The following RBFOX3 variants were observed in gnomAD, a reference collection of about 807,000 sequenced individuals.
RBFOX3 encodes the protein RNA binding fox-1 homolog 3, also known as RNA binding protein fox-1 homolog 3.
RBFOX3 carries 17 observed loss-of-function variants against 48.7 expected under a neutral mutation model. That is an observed-to-expected ratio of 0.35 (90% confidence interval 0.24 to 0.52). The LOEUF is 0.52. RBFOX3 is among the 20% of genes least tolerant of loss of function. RBFOX3 has a pLI of 0.94. For synonymous variants in RBFOX3, 212 were observed against 209.5 expected (o/e 1.01, Z -0.10); for missense variants, 382 against 497.5 (o/e 0.77, Z 2.21).
the RBFOX3 span, among the ~76,000 whole-genome samples, chr17:79,639,756 G>A: frequency 1.3e-5 from 2 of 152,092 alleles, no homozygotes; most frequent in African/African-American, 4.8e-5. Context: ...CATCTAAATA[G>A]ACATAGAAAA....
intron 3 of RBFOX3, among the ~76,000 whole-genome samples, chr17:79,275,895 T>G (rs1458611448): frequency 6.6e-6 from 1 of 152,100 alleles, no homozygotes; most frequent in African/African-American, 2.4e-5. Flanking sequence ...GAAACGAAAA[T>G]GTATGTTCAA....
intron 2 of RBFOX3, among the ~76,000 whole-genome samples, chr17:79,331,955 G>A (rs967668856): frequency 1.3e-5 from 2 of 152,196 alleles, no homozygotes; most frequent in Admixed American, 6.5e-5. Flanking sequence ...TGCACCCCAC[G>A]ATGACAGTCA....
intron 3 of RBFOX3, among the ~76,000 whole-genome samples, chr17:79,297,575 C>T (rs962240509): frequency 2.6e-5 from 4 of 152,262 alleles, no homozygotes; most frequent in Admixed American, 1.3e-4. Flanking sequence ...AGGACAGACA[C>T]TGGAAATCTG....
At chr17:79,304,695 G>C (rs749289739) in intron 3 of RBFOX3, among the ~76,000 whole-genome samples, 2 of 152,140 alleles carry the variant, frequency 1.3e-5, no homozygotes, top group Non-Finnish European at 2.9e-5. Flanking sequence ...TGATTTTGCT[G>C]AAAGTCCCCA....
At chr17:79,497,581 T>C (rs2081737442) in intron 1 of RBFOX3, among the ~76,000 whole-genome samples, 1 of 152,268 alleles carries the variant, frequency 6.6e-6, no homozygotes, top group Non-Finnish European at 1.5e-5. Flanking sequence ...AGCCTGGCTC[T>C]TTCCTCATCA....
At chr17:79,264,278 G>A (rs2066299774) in intron 3 of RBFOX3, among the ~76,000 whole-genome samples, 1 of 151,794 alleles carries the variant, frequency 6.6e-6, no homozygotes, top group African/African-American at 2.4e-5. Context: ...ATTTCACCAT[G>A]TTGACCAGGC....
intron 2 of RBFOX3, among the ~76,000 whole-genome samples, chr17:79,352,568 G>A (rs532005622): frequency 9.8e-5 from 15 of 152,296 alleles, no homozygotes; most frequent in Admixed American, 3.9e-4. Flanking sequence ...GCCAGGCACC[G>A]CTGTCTCAGA....
chr17:79,177,215 C>CG (rs905862836), intron 4 of RBFOX3, among the ~76,000 whole-genome samples: 11 of 152,246 alleles, frequency 7.2e-5, no homozygotes, highest in African/African-American at 2.2e-4. Flanking sequence ...CCTCTCCCCC[C>CG]CCGCCCTCTC....
At chr17:79,139,562 G>A (rs984223172) in intron 4 of RBFOX3, among the ~76,000 whole-genome samples, 6 of 152,218 alleles carry the variant, frequency 3.9e-5, no homozygotes, top group Admixed American at 6.5e-5. Flanking sequence ...GAGGCTGGCC[G>A]GAACTGGGCA....
At chr17:79,658,018 C>T in the RBFOX3 span, among the ~76,000 whole-genome samples, 1 of 152,116 alleles carries the variant, frequency 6.6e-6, no homozygotes, top group Admixed American at 6.5e-5. Flanking sequence ...TGGCTGAGAA[C>T]AGTCTGTTCT....
intron 2 of RBFOX3, among the ~76,000 whole-genome samples, chr17:79,335,553 G>T (rs2081063476): frequency 6.6e-6 from 1 of 152,170 alleles, no homozygotes; most frequent in Non-Finnish European, 1.5e-5. Flanking sequence ...TCATCTCTAG[G>T]TCCCAGGCTA....
chr17:79,338,689 G>A (rs2081578467), intron 2 of RBFOX3, among the ~76,000 whole-genome samples: 1 of 152,102 alleles, frequency 6.6e-6, no homozygotes, highest in Non-Finnish European at 1.5e-5. Flanking sequence ...GTCCTTTTTG[G>A]AACTCGCATT....
intron 3 of RBFOX3, among the ~76,000 whole-genome samples, chr17:79,290,371 G>A (rs930709166): frequency 2.6e-5 from 4 of 152,100 alleles, no homozygotes; most frequent in African/African-American, 4.8e-5. Context: ...GTAAGCCATC[G>A]AGCCTCTAAG....
intron 1 of RBFOX3, among the ~76,000 whole-genome samples, chr17:79,564,929 T>C (rs1215756275): frequency 6.6e-6 from 1 of 151,514 alleles, no homozygotes; most frequent in Non-Finnish European, 1.5e-5. Flanking sequence ...TAGTCCCAGC[T>C]ATTCAGGGAG....
intron 2 of RBFOX3, among the ~76,000 whole-genome samples, chr17:79,337,267 T>A (rs1430782626): frequency 6.6e-6 from 1 of 151,980 alleles, no homozygotes; most frequent in Non-Finnish European, 1.5e-5. Context: ...AAAAAAAAAT[T>A]AATCCCAGGT....
At chr17:79,560,967 C>T (rs2092174636) in intron 1 of RBFOX3, among the ~76,000 whole-genome samples, 2 of 152,158 alleles carry the variant, frequency 1.3e-5, no homozygotes, top group African/African-American at 4.8e-5. Context: ...GAAGTGAAGC[C>T]AGCATTTGGA....
chr17:79,331,345 CT>C (rs2146337960), intron 2 of RBFOX3, among the ~76,000 whole-genome samples: 1 of 152,294 alleles, frequency 6.6e-6, no homozygotes, highest in East Asian at 1.9e-4. Flanking sequence ...CACACTGCCT[CT>C]CCCCTGTCCC....
In RBFOX3 at chr17:79,423,980, C is replaced by G. The variant is rs1428962812; in HGVS notation, c.-175+58474G>C. The G allele has an allele frequency of 6.5e-6, 1 of 152,952 alleles. No homozygotes were observed. Among genetic ancestry groups the G allele is most frequent in the Non-Finnish European group, 1.5e-5 (1 of 68,408 alleles). 9.5% of individuals were successfully genotyped at this position (152,952 alleles called of 1,614,324 possible). On this transcript the variant is annotated intron_variant, in intron 2 of 14. Coordinates refer to ENST00000693108, the MANE Select transcript of RBFOX3 (RefSeq NM_001350451.2). The surrounding 1 kb of genome is among the most constrained non-coding windows in gnomAD (Gnocchi z 4.9). ...GGGCCAGCCAGCCTGCAGCCCTAGC[C>G]CAGGCACCCCTTCATCCAAGGAGAC...
intron 3 of RBFOX3, among the ~76,000 whole-genome samples, chr17:79,274,344 G>A (rs1316662070): frequency 2.0e-5 from 3 of 152,188 alleles, no homozygotes; most frequent in Non-Finnish European, 2.9e-5. Flanking sequence ...AAATAGTACC[G>A]CCTCATCGGA....
Sources: allele counts gnomAD v4.1 joint callset (sites outside exome capture counted in the v4.1 genomes callset), GRCh38; gene constraint gnomAD v4.1.1; non-coding constraint Gnocchi (gnomAD v3.1); transcripts MANE v1.5; gene names NCBI Gene and HGNC (gene_info 2026-07-23, HGNC 2026-07-21).